TENM4: variants seen among roughly 807,000 people sequenced by gnomAD.
The protein encoded by TENM4 is teneurin-4.
A neutral mutation model predicts 243.3 loss-of-function variants in TENM4; 82 were observed. That is an observed-to-expected ratio of 0.34 (90% CI 0.28 to 0.40). The LOEUF (loss-of-function observed/expected upper bound fraction) is 0.40. TENM4 is among the 10% of genes least tolerant of loss of function. TENM4 has a pLI of 1.00. For missense variants in TENM4, 3,138 were observed against 3,673.3 expected, an observed-to-expected ratio of 0.85 and a Z score of 3.77; for synonymous variants, 1,412 against 1,456.3, an observed-to-expected ratio of 0.97 and a Z score of 0.69.
At chr11:78,720,910 GA>G (rs148258755) in intron 24 of TENM4, among the ~76,000 whole-genome samples, 1 of 152,062 alleles carries the variant, frequency 6.6e-6, no homozygotes, top group Non-Finnish European at 1.5e-5. Flanking sequence ...AAGACTGGAA[GA>G]AAAAATATAT....
chr11:79,156,472 G>C (rs1862618547), intron 3 of TENM4, among the ~76,000 whole-genome samples: 1 of 152,166 alleles, frequency 6.6e-6, no homozygotes, highest in Non-Finnish European at 1.5e-5. Flanking sequence ...AAATGGGCAA[G>C]GCTTTCTCAG....
chr11:79,069,805 G>C lies in TENM4; in HGVS notation c.140C>G (p.Ala47Gly). 2 of 1,551,146 alleles carry C rather than the reference G, an allele frequency of 1.3e-6. No individual in the cohort carries two copies. Among genetic ancestry groups the C allele is most frequent in the Non-Finnish European group, 1.7e-6 (2 of 1,146,904 alleles). The change falls in exon 5 of 34, where the codon GCC becomes GGC. Residue 47 changes from alanine to glycine, a missense_variant. Ala to Gly is a moderately conservative substitution (Grantham distance 60). Transcript: ENST00000278550. ...GGCTAGGCGGGCGTCCTGGTCGTAG[G>C]CCTTCAGGGTCTCGCTGGAGCTGTA... ...KSYSSSETLK[A>G]YDQDARLAYG...
intron 6 of TENM4, among the ~76,000 whole-genome samples, chr11:79,050,407 G>A (rs1475182629): frequency 4.6e-5 from 7 of 152,152 alleles, no homozygotes; most frequent in African/African-American, 9.7e-5. Flanking sequence ...AGGTGAGGCC[G>A]CATGTAGAGT....
intron 1 of TENM4, among the ~76,000 whole-genome samples, chr11:79,358,057 C>G (rs986575974): frequency 5.9e-5 from 9 of 152,138 alleles, no homozygotes; most frequent in Admixed American, 3.3e-4. Context: ...TTACCATGCT[C>G]TAGGGCTACC....
chr11:78,911,637 C>T (rs533007047), intron 6 of TENM4, among the ~76,000 whole-genome samples: 7 of 152,156 alleles, frequency 4.6e-5, no homozygotes, highest in Non-Finnish European at 7.4e-5. Flanking sequence ...ACAAAACCAT[C>T]AGGGTGGGGC....
At chr11:79,251,749 T>C (rs1223530620) in intron 2 of TENM4, among the ~76,000 whole-genome samples, 5 of 150,852 alleles carry the variant, frequency 3.3e-5, no homozygotes, top group Non-Finnish European at 7.4e-5. Flanking sequence ...AAAATCATGT[T>C]AAAATAATAA....
chr11:78,960,685 A>G (rs1857301171), intron 6 of TENM4, among the ~76,000 whole-genome samples: 1 of 152,190 alleles, frequency 6.6e-6, no homozygotes, highest in African/African-American at 2.4e-5. Flanking sequence ...TTTAGGAGGC[A>G]TTTCCTAATT....
intron 3 of TENM4, among the ~76,000 whole-genome samples, chr11:79,186,107 T>C (rs1863375640): frequency 6.6e-6 from 1 of 152,210 alleles, no homozygotes; most frequent in South Asian, 2.1e-4. Context: ...TAAATCCAGA[T>C]CTCTCTAACT....
Position 79,128,944 on chromosome 11 carries a change from G to C in TENM4, c.-66+19766C>G, listed in dbSNP as rs571846013. Among the ~76,000 whole-genome samples, 4 of 152,284 alleles carry C rather than the reference G, an allele frequency of 2.6e-5. No individual in the cohort carries two copies. In the East Asian group the frequency reaches 7.7e-4, roughly 29 times the overall value. ...GCACTGTGAACTTTAGCTCCAGATT[G>C]ACTACAAGAACAAACCAGCAATCCT... On this transcript the variant is annotated intron_variant, in intron 4 of 33. Transcript: ENST00000278550.
At chr11:78,754,278 C>A (rs973513920) in intron 19 of TENM4, among the ~76,000 whole-genome samples, 4 of 152,196 alleles carry the variant, frequency 2.6e-5, no homozygotes, top group African/African-American at 9.7e-5. Flanking sequence ...CTGAGGGGTC[C>A]ATTTTCCCCA....
chr11:79,270,580 T>C (rs796756633), intron 2 of TENM4, among the ~76,000 whole-genome samples: 2 of 152,294 alleles, frequency 1.3e-5, no homozygotes, highest in African/African-American at 4.8e-5. Context: ...TGCTTCTCAC[T>C]AACCATGGCT....
chr11:79,255,016 A>G (rs932634436), intron 2 of TENM4, among the ~76,000 whole-genome samples: 4 of 152,122 alleles, frequency 2.6e-5, no homozygotes, highest in African/African-American at 9.7e-5. Flanking sequence ...CTTGCAGATG[A>G]TGGGAAGCCC....
In TENM4 at chr11:79,139,539, ATAAAATATATATTATATTTAT is replaced by A. The variant is rs1862220501; in HGVS notation, c.-66+9150_-66+9170del. 3.4e-5 allele frequency among the ~76,000 whole-genome samples: 3 copies of A among 87,048 alleles called. 1 individual carries two copies. Among genetic ancestry groups the A allele is most frequent in the Non-Finnish European group, 6.1e-5 (3 of 49,214 alleles). The allele number at this position is 87,048 out of a possible 152,430, so 57.1% of individuals were successfully genotyped here. A position where few individuals can be genotyped will look rare whatever the true frequency, so the allele number is the denominator to read the frequency against. On this transcript the variant is annotated intron_variant, in intron 4 of 33. Coordinates refer to ENST00000278550, the MANE Select transcript of TENM4 (RefSeq NM_001098816.3). ...ATATATATTATATTTCTAGAAATAT[ATAAAATATATATTATATTTAT>A]AGAAATATATAAAATATATATTATA...
At chr11:78,760,150 C>G (rs1460261337) in intron 18 of TENM4, among the ~76,000 whole-genome samples, 2 of 152,132 alleles carry the variant, frequency 1.3e-5, no homozygotes, top group Non-Finnish European at 2.9e-5. Flanking sequence ...ATCCCAGGGC[C>G]CAGACCTGGG....
At chr11:78,676,897 A>G (rs1858491721) in intron 29 of TENM4, among the ~76,000 whole-genome samples, 1 of 152,210 alleles carries the variant, frequency 6.6e-6, no homozygotes, top group Non-Finnish European at 1.5e-5. Flanking sequence ...GTAAAAGGCT[A>G]CATATTGTCT....
At chr11:79,009,951 T>C (rs1358041170) in intron 6 of TENM4, among the ~76,000 whole-genome samples, 1 of 152,118 alleles carries the variant, frequency 6.6e-6, no homozygotes, top group Non-Finnish European at 1.5e-5. Flanking sequence ...GTTCTTGTGA[T>C]AGTGATAAGT....
chr11:78,902,468 G>A (rs1565117901), intron 7 of TENM4, among the ~76,000 whole-genome samples: 2 of 152,196 alleles, frequency 1.3e-5, no homozygotes, highest in Non-Finnish European at 2.9e-5. Flanking sequence ...CAGCAGAGAC[G>A]AAGAGAAGGT....
chr11:79,101,153 T>C (rs1861221370), intron 4 of TENM4, among the ~76,000 whole-genome samples: 1 of 152,180 alleles, frequency 6.6e-6, no homozygotes, highest in Non-Finnish European at 1.5e-5. Context: ...TTAAGCTAGC[T>C]GGTGGGGCCA....
chr11:79,170,348 T>G (rs1477854378), intron 3 of TENM4, among the ~76,000 whole-genome samples: 1 of 152,138 alleles, frequency 6.6e-6, no homozygotes, highest in African/African-American at 2.4e-5. Flanking sequence ...GATTGAACAA[T>G]AACAGAGACT....
Sources: allele counts gnomAD v4.1 joint callset (sites outside exome capture counted in the v4.1 genomes callset), GRCh38; gene constraint gnomAD v4.1.1; transcripts MANE v1.5; gene names NCBI Gene and HGNC (gene_info 2026-07-23, HGNC 2026-07-21).